The following KCNIP4 variants were observed in gnomAD, a reference collection of about 807,000 sequenced individuals.
KCNIP4 encodes the protein Kv channel-interacting protein 4.
KCNIP4 carries 12 observed loss-of-function variants against 34.0 expected under a neutral mutation model. The observed-to-expected ratio is 0.35, with a 90% confidence interval of 0.23 to 0.57. The LOEUF is 0.57. Ranked by LOEUF, KCNIP4 falls within the 20% of genes least tolerant of loss-of-function variation. KCNIP4 has a pLI of 0.83. For synonymous variants in KCNIP4, 124 were observed against 102.2 expected (o/e 1.21, Z -1.29); for missense variants, 238 against 311.7 (o/e 0.76, Z 1.78).
intron 1 of KCNIP4, among the ~76,000 whole-genome samples, chr4:21,336,165 C>T (rs1046813168): frequency 2.6e-5 from 4 of 151,978 alleles, no homozygotes; most frequent in African/African-American, 7.2e-5. Flanking sequence ...TACATTGATA[C>T]GTGAGTTCTA....
At chr4:21,757,166 AGAAGGAAGGAAGGAAG>A (rs1560691253) in intron 1 of KCNIP4, among the ~76,000 whole-genome samples, 2 of 46,356 alleles carry the variant, frequency 4.3e-5, no homozygotes, top group South Asian at 1.2e-3. Flanking sequence ...AAAGAAAGAA[AGAAGGAAGGAAGGAAG>A]GAAGGAAGGA....
At chr4:21,298,670 T>C (rs1763984478) in intron 1 of KCNIP4, among the ~76,000 whole-genome samples, 1 of 152,186 alleles carries the variant, frequency 6.6e-6, no homozygotes, top group South Asian at 2.1e-4. Flanking sequence ...AAGTGTGCGC[T>C]TGATTTGACT....
chr4:21,191,361 G>A (rs1755635181), intron 1 of KCNIP4, among the ~76,000 whole-genome samples: 1 of 152,178 alleles, frequency 6.6e-6, no homozygotes, highest in African/African-American at 2.4e-5. Flanking sequence ...CACATACGAA[G>A]GCTGGAAAGT....
rs1329647078 is a variant in KCNIP4, at chr4:21,291,861, AAAAAAAAAAGAAAG to A, written c.62-409166_62-409153del. ...AGAGTTAGACTCCGCCTCAAAAAAAAAAAAAAAAAGAAAGAAAGAAAGAAAGAAAGAAAGAAAGA... is the reference window on the plus strand; with the variant it reads ...AGAGTTAGACTCCGCCTCAAAAAAAAAAAGAAAGAAAGAAAGAAAGAAAGA... On this transcript the variant is annotated intron_variant, in intron 1 of 8. Transcript: ENST00000382152. Among the ~76,000 whole-genome samples the A allele has an allele frequency of 2.9e-4, 35 of 118,944 alleles. 1 individual carries two copies. The South Asian group carries it at 5.8e-3, about 20-fold the overall frequency. 78.0% of individuals were successfully genotyped at this position (118,944 alleles called of 152,430 possible).
chr4:21,214,429 G>A (rs185666409), intron 1 of KCNIP4, among the ~76,000 whole-genome samples: 14 of 151,936 alleles, frequency 9.2e-5, no homozygotes, highest in African/African-American at 2.7e-4. Flanking sequence ...TGACTTCCCC[G>A]TCAAAAAAAA....
chr4:21,043,052 T>C (rs1742101765), intron 1 of KCNIP4, among the ~76,000 whole-genome samples: 1 of 152,212 alleles, frequency 6.6e-6, no homozygotes, highest in African/African-American at 2.4e-5. Context: ...TTAGACTACC[T>C]GGAGGAACAT....
intron 1 of KCNIP4, among the ~76,000 whole-genome samples, chr4:20,948,205 CT>C (rs891151083): frequency 6.6e-6 from 1 of 152,182 alleles, no homozygotes; most frequent in African/African-American, 2.4e-5. Flanking sequence ...CTGGTTAAAT[CT>C]GAACTTATCT....
chr4:21,831,887 T>C (rs1329942378), intron 1 of KCNIP4, among the ~76,000 whole-genome samples: 4 of 152,014 alleles, frequency 2.6e-5, no homozygotes, highest in African/African-American at 7.2e-5. Context: ...CTGAGGAACA[T>C]AGATGCAAAA....
intron 1 of KCNIP4, among the ~76,000 whole-genome samples, chr4:21,426,111 G>T (rs769254720): frequency 1.4e-4 from 21 of 151,984 alleles, no homozygotes; most frequent in Non-Finnish European, 2.9e-4. Flanking sequence ...GCAATAAAAA[G>T]AAATAAAGTA....
At position 21,855,366 on chromosome 4, in the gene KCNIP4, A is replaced by G. The variant is rs112791617; in HGVS notation, c.61+93205T>C. Among the ~76,000 whole-genome samples the G allele has an allele frequency of 7.9e-3, 1,204 of 152,246 alleles. 16 individuals carry two copies. Among genetic ancestry groups the G allele is most frequent in the African/African-American group, 0.027 (1,140 of 41,534 alleles). ...AAAATCACTCTGGCATTCTATTTTC[A>G]TCTTTGTTTTCCAGTGTCTAAACCG... On this transcript the variant is annotated intron_variant, in intron 1 of 8. Transcript: ENST00000382152.
chr4:21,657,975 G>A (rs973445319), intron 1 of KCNIP4, among the ~76,000 whole-genome samples: 1 of 151,994 alleles, frequency 6.6e-6, no homozygotes, highest in Non-Finnish European at 1.5e-5. Flanking sequence ...GAGTAGCTGG[G>A]ATTACAGGCA....
intron 1 of KCNIP4, among the ~76,000 whole-genome samples, chr4:21,536,889 C>A (rs1261053211): frequency 2.0e-5 from 3 of 152,048 alleles, no homozygotes; most frequent in African/African-American, 7.2e-5. Flanking sequence ...GTTAATAAAT[C>A]TTAGCATTGG....
At chr4:21,349,218 C>A (rs1351398560) in intron 1 of KCNIP4, among the ~76,000 whole-genome samples, 1 of 152,076 alleles carries the variant, frequency 6.6e-6, no homozygotes, top group African/African-American at 2.4e-5. Flanking sequence ...ATCTACAAAA[C>A]AAATACAGAG....
chr4:20,808,294 C>G (rs1715324032), intron 3 of KCNIP4, among the ~76,000 whole-genome samples: 1 of 152,046 alleles, frequency 6.6e-6, no homozygotes, highest in Non-Finnish European at 1.5e-5. Flanking sequence ...TTTAAGGATG[C>G]CATGAAGGCT....
intron 1 of KCNIP4, among the ~76,000 whole-genome samples, chr4:21,150,287 G>C (rs943305972): frequency 1.4e-5 from 2 of 144,926 alleles, no homozygotes; most frequent in African/African-American, 5.8e-5. Flanking sequence ...TGTTAATGAG[G>C]GTAATGCTTG....
intron 1 of KCNIP4, among the ~76,000 whole-genome samples, chr4:21,916,190 A>C (rs1280040487): frequency 6.6e-6 from 1 of 152,234 alleles, no homozygotes; most frequent in Non-Finnish European, 1.5e-5. Context: ...TATATGTGCC[A>C]CTGGAGTACA....
chr4:21,671,757 G>A (rs913324830), intron 1 of KCNIP4, among the ~76,000 whole-genome samples: 4 of 152,120 alleles, frequency 2.6e-5, no homozygotes, highest in African/African-American at 7.2e-5. Context: ...AAGTGCCCAC[G>A]TTGGAGGAAA....
intron 1 of KCNIP4, among the ~76,000 whole-genome samples, chr4:21,579,406 A>T (rs1026578679): frequency 2.0e-5 from 3 of 152,190 alleles, no homozygotes; most frequent in Non-Finnish European, 4.4e-5. Context: ...TCCTTTGCAT[A>T]TCTTCCTTCT....
chr4:21,416,559 A>G (rs1444292986), intron 1 of KCNIP4, among the ~76,000 whole-genome samples: 4 of 152,228 alleles, frequency 2.6e-5, no homozygotes, highest in Non-Finnish European at 5.9e-5. Context: ...ATAGTTAACC[A>G]TCATTTAAGC....
Sources: allele counts gnomAD v4.1 joint callset (sites outside exome capture counted in the v4.1 genomes callset), GRCh38; gene constraint gnomAD v4.1.1; transcripts MANE v1.5; gene names NCBI Gene and HGNC (gene_info 2026-07-23, HGNC 2026-07-21).